PRKN: variants seen among roughly 807,000 people sequenced by gnomAD.
PRKN encodes parkin RBR E3 ubiquitin protein ligase, also known as E3 ubiquitin-protein ligase parkin.
PRKN carries 56 observed loss-of-function variants against 59.5 expected under a neutral mutation model. The observed-to-expected ratio is 0.94, with a 90% CI of 0.76 to 1.18. The LOEUF (loss-of-function observed/expected upper bound fraction) is 1.18, where lower values mean the gene tolerates loss of function less well. Ranked by LOEUF, PRKN falls within the 50% of genes most tolerant of loss-of-function variation. The probability of loss-of-function intolerance (pLI) is 0.00; values close to 1 mark genes in which losing one functional copy is unlikely to be tolerated. For synonymous variants in PRKN, 250 were observed against 222.1 expected (o/e 1.13, Z -1.12); for missense variants, 657 against 596.4 (o/e 1.10, Z -1.06).
At chr6:162,583,557 T>C (rs1583851143) in intron 1 of PRKN, among the ~76,000 whole-genome samples, 1 of 152,340 alleles carries the variant, frequency 6.6e-6, no homozygotes, top group East Asian at 1.9e-4. Context: ...AGAATCATTC[T>C]TCACTGATGA....
chr6:161,708,120 T>G (rs80153079), intron 7 of PRKN, among the ~76,000 whole-genome samples: 1 of 152,072 alleles, frequency 6.6e-6, no homozygotes, highest in African/African-American at 2.4e-5. Flanking sequence ...TTCTCAATAA[T>G]ATAAAAAATT....
chr6:161,760,370 A>G lies in PRKN; in HGVS notation c.871+25402T>C, dbSNP rs78915526. On this transcript the variant is annotated intron_variant, in intron 7 of 11. Coordinates refer to ENST00000366898, the MANE Select transcript of PRKN (RefSeq NM_004562.3). ...TTTATTTTAATGAAAATGATGTATT[A>G]CATATAAGTAAAACAACACCTTTAA... Among the ~76,000 whole-genome samples, 442 of 151,134 alleles carry G rather than the reference A, an allele frequency of 2.9e-3. 4 individuals carry two copies. Among genetic ancestry groups the G allele is most frequent in the African/African-American group, 0.01 (428 of 41,146 alleles).
chr6:162,447,241 G>A (rs950903405), intron 1 of PRKN, among the ~76,000 whole-genome samples: 1 of 152,012 alleles, frequency 6.6e-6, no homozygotes, highest in African/African-American at 2.4e-5. Context: ...GGTAACTAAG[G>A]GAGATTAGAT....
chr6:162,612,053 C>A (rs36004820), intron 1 of PRKN, among the ~76,000 whole-genome samples: 2 of 150,680 alleles, frequency 1.3e-5, no homozygotes, highest in African/African-American at 2.4e-5. Flanking sequence ...ATTAGCTGGG[C>A]GTGGTGGCGG....
At chr6:161,500,507 T>A (rs1440132455) in intron 9 of PRKN, among the ~76,000 whole-genome samples, 1 of 152,220 alleles carries the variant, frequency 6.6e-6, no homozygotes, top group Non-Finnish European at 1.5e-5. Context: ...TTTTACTGTG[T>A]CCAGAGTTTT....
At chr6:161,572,056 A>G (rs13206753) in intron 7 of PRKN, among the ~76,000 whole-genome samples, 86,397 of 151,876 alleles carry the variant, frequency 0.57, 24,865 homozygotes, top group Middle Eastern at 0.64. Context: ...GGCAGATTGC[A>G]GGACTGCTTG....
intron 3 of PRKN, 98 bp from the exon 4 acceptor site, chr6:162,201,350 A>G (rs1303002509): frequency 1.9e-6 from 2 of 1,070,176 alleles, no homozygotes; most frequent in Non-Finnish European, 2.9e-6. Flanking sequence ...TTTAAAACTC[A>G]GTCTTCAGGA....
intron 5 of PRKN, among the ~76,000 whole-genome samples, chr6:161,993,257 G>T (rs184133877): frequency 6.6e-6 from 1 of 151,926 alleles, no homozygotes; most frequent in Admixed American, 6.6e-5. Flanking sequence ...AAGCATACAC[G>T]AATAGGAGAC....
chr6:161,799,955 A>T (rs1216823011), intron 6 of PRKN, among the ~76,000 whole-genome samples: 1 of 152,168 alleles, frequency 6.6e-6, no homozygotes, highest in African/African-American at 2.4e-5. Flanking sequence ...CACAGTTACC[A>T]AGGAGGCAGT....
intron 7 of PRKN, among the ~76,000 whole-genome samples, chr6:161,606,152 T>A (rs1423153511): frequency 6.6e-6 from 1 of 152,236 alleles, no homozygotes; most frequent in African/African-American, 2.4e-5. Context: ...GAAAATGTCA[T>A]CAATTCCTGT....
chr6:162,170,697 G>A (rs1783230461), intron 4 of PRKN, among the ~76,000 whole-genome samples: 1 of 152,124 alleles, frequency 6.6e-6, no homozygotes, highest in Non-Finnish European at 1.5e-5. Flanking sequence ...TTAGATGCTG[G>A]TCACGATTAA....
chr6:162,545,078 A>T (rs913567982), intron 1 of PRKN, among the ~76,000 whole-genome samples: 1 of 149,392 alleles, frequency 6.7e-6, no homozygotes, highest in Non-Finnish European at 1.5e-5. Flanking sequence ...TGAGGTCAGG[A>T]GTTGGAGACC....
chr6:162,549,121 G>C (rs1779234623), intron 1 of PRKN, among the ~76,000 whole-genome samples: 1 of 152,056 alleles, frequency 6.6e-6, no homozygotes. Context: ...CCTCATGAGT[G>C]GGATTAGAGA....
At chr6:162,079,709 T>C (rs1778981663) in intron 4 of PRKN, among the ~76,000 whole-genome samples, 1 of 152,040 alleles carries the variant, frequency 6.6e-6, no homozygotes, top group East Asian at 1.9e-4. Flanking sequence ...TGTCACCCTC[T>C]ACATAGAAAT....
chr6:161,639,422 C>G (rs1490446401), intron 7 of PRKN, among the ~76,000 whole-genome samples: 5 of 152,152 alleles, frequency 3.3e-5, no homozygotes, highest in African/African-American at 1.2e-4. Flanking sequence ...TGGAGGGTCA[C>G]CAGGTAGCAG....
In PRKN at chr6:162,636,350, T is replaced by G. The variant is rs565941449; in HGVS notation, c.7+91312A>C. On this transcript the variant is annotated intron_variant, in intron 1 of 11. Transcript: ENST00000366898. ...TGGCTAAAAATAGCTTTGAAATTTT[T>G]GAGCCATCTCCACCTCCTGTGGAGC... Among the ~76,000 whole-genome samples, 21 of 152,338 alleles carry G rather than the reference T, an allele frequency of 1.4e-4. 2 individuals are homozygous for G. In the South Asian group the frequency reaches 4.3e-3, roughly 32 times the overall value.
intron 1 of PRKN, among the ~76,000 whole-genome samples, chr6:162,469,907 G>A (rs1458166372): frequency 6.6e-6 from 1 of 152,160 alleles, no homozygotes; most frequent in Non-Finnish European, 1.5e-5. Context: ...AAGAAAGTGT[G>A]GGTGAATGGT....
chr6:162,455,714 C>T (rs192586459), intron 1 of PRKN, among the ~76,000 whole-genome samples: 11,516 of 150,334 alleles, frequency 0.077, 592 homozygotes, highest in Middle Eastern at 0.12. Context: ...TGTCAAAAGG[C>T]GGTCACTTTC....
chr6:162,154,726 T>TAA (rs1298086278), intron 4 of PRKN, among the ~76,000 whole-genome samples: 3 of 152,054 alleles, frequency 2.0e-5, no homozygotes, highest in African/African-American at 7.2e-5. Context: ...CATCAGAAAG[T>TAA]AAAAGAGCAT....
Sources: gnomAD v4.1 joint callset for allele counts (sites outside exome capture counted in the v4.1 genomes callset) on GRCh38, gnomAD v4.1.1 for gene constraint, MANE v1.5 for transcripts, NCBI Gene and HGNC (gene_info 2026-07-23, HGNC 2026-07-21) for gene names.